CEBPZ: variants seen among roughly 807,000 people sequenced by gnomAD.
CEBPZ encodes the protein CCAAT/enhancer-binding protein zeta.
A neutral mutation model predicts 104.5 loss-of-function variants in CEBPZ; 78 were observed. The ratio of observed to expected loss-of-function variants is 0.75; its 90% confidence interval spans 0.62 to 0.90. CEBPZ has a LOEUF of 0.90. Ranked by LOEUF, CEBPZ falls within the 40% of genes least tolerant of loss-of-function variation. The probability of loss-of-function intolerance (pLI) is 0.00; values close to 1 mark genes in which losing one functional copy is unlikely to be tolerated. For synonymous variants in CEBPZ, 470 were observed against 427.0 expected, an observed-to-expected ratio of 1.10 and a Z score of -1.24; for missense variants, 1,439 against 1,233.5, an observed-to-expected ratio of 1.17 and a Z score of -2.50.
chr2:37,223,489 T>A, intron 2 of CEBPZ, 88 bp from the exon 3 acceptor site: 1 of 1,116,084 alleles, frequency 9.0e-7, no homozygotes, highest in Non-Finnish European at 1.3e-6. Flanking sequence ...ACTAACCTCA[T>A]CTTAGTTAGG....
chr2:37,212,162 G>T, intron 11 of CEBPZ, 123 bp from the exon 12 acceptor site: 1 of 999,088 alleles, frequency 1.0e-6, no homozygotes, highest in Non-Finnish European at 1.5e-6. Context: ...AGACTGCTCA[G>T]AGTAAATAAT....
intron 2 of CEBPZ, among the ~76,000 whole-genome samples, chr2:37,225,008 A>C (rs1332547771): frequency 6.6e-6 from 1 of 152,034 alleles, no homozygotes; most frequent in Admixed American, 6.6e-5. Flanking sequence ...ATGACCATCA[A>C]AAGTTCAAAA....
rs1197953883 is a variant in CEBPZ, at chr2:37,216,361, A to G, written c.2266T>C (p.Leu756=). ...GGATTTCGGTATACAAATCGATCCA[A>G]AAATCTCATTAGAGTGAAATCCTGC... ...PLQDFTLMRF[L]DRFVYRNPKP... is the part of the protein sequence containing the mutation. The change falls in exon 7 of 16, where the codon TTG becomes CTG. Residue 756 remains leucine (L), a synonymous_variant. Transcript: ENST00000234170. 2 of 1,613,932 alleles carry G rather than the reference A, an allele frequency of 1.2e-6. No homozygotes were observed. The highest frequency in any genetic ancestry group is 4.5e-5 in the East Asian group (2 of 44,826).
intron 5 of CEBPZ, among the ~76,000 whole-genome samples, chr2:37,219,638 C>G (rs965739692): frequency 6.6e-6 from 1 of 152,066 alleles, no homozygotes; most frequent in Non-Finnish European, 1.5e-5. Flanking sequence ...AGTGGTCTGG[C>G]CGCACTTTGA....
At chr2:37,212,504 A>T in intron 10 of CEBPZ, 112 bp from the exon 11 acceptor site, 1 of 863,892 alleles carries the variant, frequency 1.2e-6, no homozygotes, top group South Asian at 1.5e-5. Flanking sequence ...TGACAAGTGA[A>T]CACCAAAACA....
intron 13 of CEBPZ, among the ~76,000 whole-genome samples, chr2:37,208,175 C>T (rs759395117): frequency 6.6e-6 from 1 of 152,010 alleles, no homozygotes; most frequent in Non-Finnish European, 1.5e-5. Flanking sequence ...GCCAACAAAA[C>T]AAAGTCCAGG....
chr2:37,215,074 T>G, intron 8 of CEBPZ, 122 bp from the exon 9 acceptor site: 1 of 684,630 alleles, frequency 1.5e-6, no homozygotes, highest in Non-Finnish European at 2.6e-6. Flanking sequence ...TGTGGGAAGG[T>G]AGACAGAAGG....
rs755579492 is a variant in CEBPZ, at chr2:37,228,841, C to T, written c.352G>A (p.Val118Ile). The T allele has an allele frequency of 3.1e-6, 5 of 1,601,006 alleles. No homozygotes were observed. Among genetic ancestry groups the T allele is most frequent in the South Asian group, 1.1e-5 (1 of 87,226 alleles). The change falls in exon 2 of 16, where the codon GTA becomes ATA. Residue 118 changes from valine (V) to isoleucine (I), a missense_variant. Transcript: ENST00000234170. ...TTATTATTTATTTTAGGTATTTTTA[C>T]TTCTTTTTTGCTGGAATTTTCTTTT... The part of the protein sequence containing the change: ...AEKENSSKKE[V>I]KIPKINNKNT...
chr2:37,227,875 A>G lies in CEBPZ; in HGVS notation c.1318T>C (p.Tyr440His). ...ATTTGATTTAAAAAGCAAATTGCAT[A>G]ATATTGAGCTTTGGAGCTGATATTT... ...RSNISSKAQY[Y>H]AICFLNQMAL... Residue 440 changes from tyrosine (Y) to histidine (H), a missense_variant, in exon 2 of 16, where the codon TAT becomes CAT. Tyr to His is a moderately conservative substitution (Grantham distance 83). Coordinates refer to ENST00000234170, the MANE Select transcript of CEBPZ (RefSeq NM_005760.3). The G allele has an allele frequency of 6.2e-7, 1 of 1,614,156 alleles. No homozygotes were observed. The highest frequency in any genetic ancestry group is 8.5e-7 in the Non-Finnish European group (1 of 1,180,030).
rs774659318 is a variant in CEBPZ, at chr2:37,227,838, TG to T, written c.1354del (p.His452MetfsTer10). On this transcript the variant is annotated frameshift_variant, in exon 2 of 16. Coordinates refer to ENST00000234170, the MANE Select transcript of CEBPZ (RefSeq NM_005760.3). LOFTEE classifies it high-confidence loss of function. Reference sequence around the variant, plus strand: ...TTTGTTAGCCAATTCACTTTCTTCATGGGACAGAGCCATTTGATTTAAAAAG... The same window carrying T: ...TTTGTTAGCCAATTCACTTTCTTCATGGACAGAGCCATTTGATTTAAAAAG... ...ICFLNQMALS[H>X]EESELANKLI... The T allele has an allele frequency of 6.2e-7, 1 of 1,614,026 alleles. No homozygotes were observed. Among genetic ancestry groups the T allele is most frequent in the African/African-American group, 1.3e-5 (1 of 74,940 alleles).
At position 37,216,354 on chromosome 2, in the gene CEBPZ, C is replaced by A. The variant is rs552370367; in HGVS notation, c.2273G>T (p.Arg758Leu). ...GGGCTTTGGATTTCGGTATACAAAT[C>A]GATCCAAAAATCTCATTAGAGTGAA... Reference protein sequence around the residue: ...QDFTLMRFLDRFVYRNPKPHK... With the variant: ...QDFTLMRFLDLFVYRNPKPHK... The change falls in exon 7 of 16, where the codon CGA becomes CTA. Residue 758 changes from arginine to leucine, a missense_variant. Coordinates refer to ENST00000234170, the MANE Select transcript of CEBPZ (RefSeq NM_005760.3). 3 of 1,613,758 alleles carry A rather than the reference C, an allele frequency of 1.9e-6. No individual in the cohort carries two copies. The highest frequency in any genetic ancestry group is 2.5e-6 in the Non-Finnish European group (3 of 1,179,862).
At chr2:37,215,089 C>A (rs919340578) in intron 8 of CEBPZ, 137 bp from the exon 9 acceptor site, 3 of 629,070 alleles carry the variant, frequency 4.8e-6, no homozygotes, top group African/African-American at 3.7e-5. Context: ...AGAAGGGACT[C>A]TGGAGTGCAA....
chr2:37,220,591 G>A (rs1664748780), intron 4 of CEBPZ, 118 bp from the exon 5 acceptor site: 4 of 449,166 alleles, frequency 8.9e-6, no homozygotes, highest in Non-Finnish European at 1.6e-5. Context: ...ACTTAGCCAA[G>A]CAACCTAGAT....
chr2:37,230,638 C>G (rs1175489147), intron 1 of CEBPZ, among the ~76,000 whole-genome samples: 2 of 152,178 alleles, frequency 1.3e-5, no homozygotes, highest in Admixed American at 1.3e-4. Flanking sequence ...GGTTTTGCAT[C>G]AAACTCAGAG....
chr2:37,212,198 G>T (rs1677742287), intron 11 of CEBPZ, 137 bp downstream of exon 11: 1 of 981,096 alleles, frequency 1.0e-6, no homozygotes, highest in South Asian at 1.6e-5. Context: ...TGTCAAAGAT[G>T]AAAGTACTGT....
rs542512466 is a variant in CEBPZ at position 37,207,428 on chromosome 2, A to G, written c.2884+3571T>C. On this transcript the variant is annotated intron_variant, in intron 13 of 15. Coordinates refer to ENST00000234170, the MANE Select transcript of CEBPZ (RefSeq NM_005760.3). ...CACAAAACAAGTCTCAATAAACTTA[A>G]GAAAACTGAAATTGTATCAAGTACC... Among the ~76,000 whole-genome samples the G allele has an allele frequency of 3.3e-5, 5 of 152,352 alleles. No individual in the cohort carries two copies. In the South Asian group the frequency reaches 1.0e-3, roughly 32 times the overall value.
intron 13 of CEBPZ, among the ~76,000 whole-genome samples, chr2:37,205,158 G>A (rs533432527): frequency 6.6e-6 from 1 of 152,308 alleles, no homozygotes; most frequent in East Asian, 1.9e-4. Flanking sequence ...GTATTTGAAA[G>A]AGCTGATAAA....
intron 2 of CEBPZ, among the ~76,000 whole-genome samples, chr2:37,225,439 AT>A (rs1664862607): frequency 6.7e-6 from 1 of 150,310 alleles, no homozygotes; most frequent in African/African-American, 2.5e-5. Flanking sequence ...CTGTTAATCT[AT>A]AACCTTACCC....
chr2:37,228,211 T>G lies in CEBPZ; in HGVS notation c.982A>C (p.Arg328=), dbSNP rs1211352458. 6.2e-7 allele frequency: 1 copy of G among 1,614,248 alleles called. No homozygotes were observed. The highest frequency in any genetic ancestry group is 2.2e-5 in the East Asian group (1 of 44,886). ...LSSGNKDSRD[R]RLILWYFEHQ... is the part of the protein sequence containing the mutation. Reference sequence around the variant, plus strand: ...TCAAAATACCATAATATCAGTCTTCTATCTCTTGAGTCCTTGTTGCCACTG... The same window carrying G: ...TCAAAATACCATAATATCAGTCTTCGATCTCTTGAGTCCTTGTTGCCACTG... The change falls in exon 2 of 16, where the codon AGA becomes CGA. Residue 328 remains arginine, a synonymous_variant. Coordinates refer to ENST00000234170, the MANE Select transcript of CEBPZ (RefSeq NM_005760.3).
Sources: gnomAD v4.1 joint callset for allele counts (sites outside exome capture counted in the v4.1 genomes callset) on GRCh38, gnomAD v4.1.1 for gene constraint, MANE v1.5 for transcripts, NCBI Gene and HGNC (gene_info 2026-07-23, HGNC 2026-07-21) for gene names.